The following EXOC7 variants were observed in gnomAD, a reference collection of about 807,000 sequenced individuals.
EXOC7 encodes exocyst complex component 7, also known as exocyst complex component Exo70.
A neutral mutation model predicts 87.6 loss-of-function variants in EXOC7; 51 were observed. The observed-to-expected ratio is 0.58, with a 90% CI of 0.46 to 0.73. The LOEUF (loss-of-function observed/expected upper bound fraction) is 0.73. EXOC7 is among the 30% of genes least tolerant of loss of function. The pLI, the probability that EXOC7 is intolerant of heterozygous loss-of-function variation, is 0.00. For synonymous variants in EXOC7, 327 were observed against 357.1 expected (o/e 0.92, Z 0.95); for missense variants, 744 against 888.4 (o/e 0.84, Z 2.07).
Position 76,098,000 on chromosome 17 carries a change from C to T in EXOC7, c.436G>A (p.Gly146Arg), listed in dbSNP as rs776378905. Reference sequence around the variant, plus strand: ...AATTCGGACTCCAGGGCCTCCTTCCCGCGCTCAAAGAGCAGTTTCTGCACA... The same window carrying T: ...AATTCGGACTCCAGGGCCTCCTTCCTGCGCTCAAAGAGCAGTTTCTGCACA... ...LNKVKLLFER[G>R]KEALESEFRS... is the part of the protein sequence containing the mutation. The change falls in exon 5 of 19, where the codon GGG (glycine) becomes AGG (arginine). Residue 146 changes from glycine to arginine, a missense_variant. Physicochemically the swap from Gly to Arg is moderately radical, Grantham distance 125 (BLOSUM62 -2). Around this residue, in one of 3 missense-constraint regions of EXOC7, gnomAD observed 512 missense variants for 573.0 expected, o/e 0.89. Coordinates refer to ENST00000589210, the MANE Select transcript of EXOC7 (RefSeq NM_001013839.4). The T allele has an allele frequency of 6.8e-6, 11 of 1,614,172 alleles. No homozygotes were observed. In the East Asian group the frequency reaches 8.9e-5, roughly 13 times the overall value.
At chr17:76,098,116 G>A in intron 4 of EXOC7, 98 bp from the exon 5 acceptor site, 1 of 1,048,430 alleles carries the variant, frequency 9.5e-7, no homozygotes, top group Non-Finnish European at 1.4e-6. Flanking sequence ...CTTAACTCAG[G>A]GCCTCTGCCC....
chr17:76,095,258 C>T (rs1158658082), intron 5 of EXOC7, among the ~76,000 whole-genome samples: 1 of 151,678 alleles, frequency 6.6e-6, no homozygotes, highest in Admixed American at 6.6e-5. Context: ...CACCGCCCAG[C>T]CCTAGTTGTA....
chr17:76,098,778 A>C (rs1270503474), intron 4 of EXOC7, among the ~76,000 whole-genome samples: 1 of 151,616 alleles, frequency 6.6e-6, no homozygotes, highest in Non-Finnish European at 1.5e-5. Flanking sequence ...AGGCAGGAGA[A>C]AGGTGTGAAC....
At position 76,085,294 on chromosome 17, in the gene EXOC7, G is replaced by A; in HGVS notation, c.1712+20C>T. On this transcript the variant is annotated intron_variant, in intron 15 of 18. Transcript: ENST00000589210. ...TGGCACAGGGGCCCATGCAGGAGCA[G>A]GGCGGGCCCAGCCTCTCACCTGCGC... The A allele has an allele frequency of 4.4e-6, 7 of 1,574,452 alleles. No homozygotes were observed. The highest frequency in any genetic ancestry group is 1.8e-5 in the Admixed American group (1 of 54,830).
intron 15 of EXOC7, 85 bp from the exon 16 acceptor site, chr17:76,084,665 T>C (rs1190412048): frequency 1.6e-6 from 2 of 1,229,956 alleles, no homozygotes; most frequent in East Asian, 2.4e-5. Flanking sequence ...TCTCTGGATC[T>C]ACTTGGTGGG....
intron 7 of EXOC7, 24 bp downstream of exon 7, chr17:76,091,119 A>G (rs1448513354): frequency 1.3e-6 from 2 of 1,592,640 alleles, no homozygotes; most frequent in Non-Finnish European, 1.7e-6. Context: ...AGGAAGGGAC[A>G]GGAGGGGAAC....
At position 76,081,641 on chromosome 17, in the gene EXOC7, C is replaced by T. The variant is rs774260105; in HGVS notation, c.*2007G>A. 1 of 1,614,138 alleles carries T rather than the reference C, an allele frequency of 6.2e-7. No homozygotes were observed. The highest frequency in any genetic ancestry group is 1.1e-5 in the South Asian group (1 of 91,090). The stretch of plus-strand genomic sequence containing the variant: ...TGACGTGTGCGGGGGGTTGCTGCCC[C>T]TCCGGGCCATTGAGCGCATAGGCTA... On this transcript the variant is annotated 3_prime_UTR_variant, in exon 19 of 19. Coordinates refer to ENST00000589210, the MANE Select transcript of EXOC7 (RefSeq NM_001013839.4).
Position 76,094,460 on chromosome 17 carries a change from G to T in EXOC7, c.762C>A (p.Pro254=), listed in dbSNP as rs1372641239. ...TGGTAGGTGTGTCTTTCCTCTTGTT[G>T]GGGATAGCAGGGGAGTAGGGAACCC... ...SSGVPYSPAI[P]NKRKDTPTKK... The change falls in exon 6 of 19, where the codon CCC becomes CCA. Residue 254 remains proline, a synonymous_variant. Coordinates refer to ENST00000589210, the MANE Select transcript of EXOC7 (RefSeq NM_001013839.4). The T allele has an allele frequency of 6.2e-7, 1 of 1,613,944 alleles. No homozygotes were observed. The highest frequency in any genetic ancestry group is 1.3e-5 in the African/African-American group (1 of 74,938).
chr17:76,087,839 G>T, intron 11 of EXOC7, 119 bp from the exon 12 acceptor site: 1 of 1,145,146 alleles, frequency 8.7e-7, no homozygotes, highest in Non-Finnish European at 1.3e-6. Context: ...AGTGAAGAGC[G>T]CGGCTGGAAA....
Position 76,082,885 on chromosome 17 carries a change from C to T in EXOC7, c.*763G>A. 2.5e-6 allele frequency: 1 copy of T among 392,408 alleles called. No individual in the cohort carries two copies. Among genetic ancestry groups the T allele is most frequent in the Non-Finnish European group, 4.5e-6 (1 of 223,042 alleles). 24.3% of individuals were successfully genotyped at this position (392,408 alleles called of 1,614,324 possible). A position where few individuals can be genotyped will look rare whatever the true frequency, so the allele number is the denominator to read the frequency against. On this transcript the variant is annotated 3_prime_UTR_variant, in exon 19 of 19. Transcript: ENST00000589210. ...TTTTGCTTCCAACCCCCATTTTGCT[C>T]CTTAACTTTTCCCCATTGTCCCTGT... is the stretch of plus-strand genomic sequence containing the variant.
rs1423557257 is a variant in EXOC7, at chr17:76,085,395, T to A, written c.1631A>T (p.Gln544Leu). Residue 544 changes from glutamine (Q) to leucine (L), a missense_variant, in exon 15 of 19, where the codon CAG becomes CTG. Gln to Leu is a moderately radical substitution (Grantham distance 113). Transcript: ENST00000589210. ...LKSLEKSELI[Q>L]LVAVTQKTAE... ...AGTCTTCTGTGTCACTGCCACCAGC[T>A]GGATCAGTTCAGACCTGGGTCGGGG... 6.2e-7 allele frequency: 1 copy of A among 1,610,074 alleles called. No individual in the cohort carries two copies. The highest frequency in any genetic ancestry group is 8.5e-7 in the Non-Finnish European group (1 of 1,179,058).
Position 76,084,064 on chromosome 17 carries a change from T to TGTCC in EXOC7, c.1890_1893dup (p.Arg632GlyfsTer84), listed in dbSNP as rs777089199. ...ATGGTCTTCTGGGCCTGGCGAATCC[T>TGTCC]GTCCCTCTGCTCTGTGTCTGGAATA... On this transcript the variant is annotated frameshift_variant, in exon 18 of 19. Coordinates refer to ENST00000589210, the MANE Select transcript of EXOC7 (RefSeq NM_001013839.4). LOFTEE classifies it high-confidence loss of function. 3.1e-6 allele frequency: 5 copies of TGTCC among 1,610,448 alleles called. No individual in the cohort carries two copies. The highest frequency in any genetic ancestry group is 4.2e-6 in the Non-Finnish European group (5 of 1,178,852).
At chr17:76,099,742 G>C (rs1459505265) in intron 4 of EXOC7, among the ~76,000 whole-genome samples, 1 of 152,160 alleles carries the variant, frequency 6.6e-6, no homozygotes, top group East Asian at 1.9e-4. Flanking sequence ...ATAGATTTGT[G>C]ATTTCCAGAG....
chr17:76,081,516 C>A lies in EXOC7; in HGVS notation c.*2132G>T. 6.2e-7 allele frequency: 1 copy of A among 1,611,176 alleles called. No individual in the cohort carries two copies. The highest frequency in any genetic ancestry group is 8.5e-7 in the Non-Finnish European group (1 of 1,179,016). On this transcript the variant is annotated 3_prime_UTR_variant, in exon 19 of 19. Transcript: ENST00000589210. ...CGATGCCCACCTCCTTCCCCCCCGC[C>A]GGGAAGGCCCTGACTTTTCCCCTTC...
chr17:76,100,903 C>T (rs2068026843), intron 4 of EXOC7: 1 of 155,262 alleles, frequency 6.4e-6, no homozygotes, highest in African/African-American at 2.4e-5. Context: ...ATCACATGGA[C>T]CTGGGAGGCA....
rs754846592 is a variant in EXOC7 at position 76,082,008 on chromosome 17, A to C, written c.*1640T>G. 4 of 1,611,346 alleles carry C rather than the reference A, an allele frequency of 2.5e-6. No individual in the cohort carries two copies. Among genetic ancestry groups the C allele is most frequent in the Non-Finnish European group, 1.7e-6 (2 of 1,179,472 alleles). ...GGCCCCAGCCCAGCCCCGAGAGGGG[A>C]ACAGCGAGAGCACGGCAACCCAGGG... On this transcript the variant is annotated 3_prime_UTR_variant, in exon 19 of 19. Transcript: ENST00000589210.
Position 76,081,119 on chromosome 17 carries a change from G to C in EXOC7, c.*2529C>G. ...ACAATTTGGGATGTTGCAAAACAAG[G>C]TTTGGGAAGCCCTTCTATGGATCGG... On this transcript the variant is annotated 3_prime_UTR_variant, in exon 19 of 19. Coordinates refer to ENST00000589210, the MANE Select transcript of EXOC7 (RefSeq NM_001013839.4). 1 of 984,146 alleles carries C rather than the reference G, an allele frequency of 1.0e-6. No individual in the cohort carries two copies. Among genetic ancestry groups the C allele is most frequent in the Non-Finnish European group, 1.5e-6 (1 of 660,998 alleles). The allele number at this position is 984,146 out of a possible 1,614,324, so 61.0% of individuals were successfully genotyped here.
At chr17:76,097,725 AAAAAAAG>A in intron 5 of EXOC7, 64 bp downstream of exon 5, 3 of 957,448 alleles carry the variant, frequency 3.1e-6, no homozygotes, top group Non-Finnish European at 3.0e-6. Flanking sequence ...AAAAAAAAAA[AAAAAAAG>A]AACAAAGGGG....
intron 5 of EXOC7, among the ~76,000 whole-genome samples, chr17:76,095,960 C>A (rs118139310): frequency 0.018 from 2,783 of 152,158 alleles, 42 homozygotes; most frequent in Non-Finnish European, 0.025. Flanking sequence ...TACAAGGAAC[C>A]CCGACAGAAG....
Sources: allele counts gnomAD v4.1 joint callset (sites outside exome capture counted in the v4.1 genomes callset), GRCh38; gene constraint gnomAD v4.1.1; regional missense constraint gnomAD v4.1.1; transcripts MANE v1.5; gene names NCBI Gene and HGNC (gene_info 2026-07-23, HGNC 2026-07-21).